Variants in ZNF525 observed in about 807,000 individuals in gnomAD.
ZNF525 encodes zinc finger protein 525.
ZNF525 carries 33 observed loss-of-function variants against 37.6 expected under a neutral mutation model. That is an observed-to-expected ratio of 0.88 (90% CI 0.67 to 1.17). The LOEUF (loss-of-function observed/expected upper bound fraction) is 1.17, where lower values mean the gene tolerates loss of function less well. Among genes scored for constraint, ZNF525 ranks in the 50% most tolerant of loss-of-function variants. The pLI is 0.00. For synonymous variants in ZNF525, 170 were observed against 182.3 expected, an observed-to-expected ratio of 0.93 and a Z score of 0.54; for missense variants, 449 against 543.1, an observed-to-expected ratio of 0.83 and a Z score of 1.72.
At position 53,381,921 on chromosome 19, in the gene ZNF525, T is replaced by C. The variant is rs1471684257; in HGVS notation, c.1342T>C (p.Phe448Leu). The change falls in exon 4 of 4, where the codon TTC becomes CTC. Residue 448 changes from phenylalanine to leucine, a missense_variant. Phe to Leu is a conservative substitution (Grantham distance 22). Around this residue, in one of 2 missense-constraint regions of ZNF525, gnomAD observed 178 missense variants for 161.5 expected, o/e 1.10. Coordinates refer to ENST00000474037, the MANE Select transcript of ZNF525 (RefSeq NM_001348156.2). ...CAAATGTAATGAGTGTGGCAAGACC[T>C]TCAGTCAGGAGTTATCCCTTACCTG... ...LYKCNECGKT[F>L]SQELSLTCHC... 1 of 972,724 alleles carries C rather than the reference T, an allele frequency of 1.0e-6. No homozygotes were observed. The allele number at this position is 972,724 out of a possible 1,614,324, so 60.3% of individuals were successfully genotyped here. A position where few individuals can be genotyped will look rare whatever the true frequency, so the allele number is the denominator to read the frequency against.
intron 3 of ZNF525, among the ~76,000 whole-genome samples, chr19:53,378,533 A>G (rs747133365): frequency 2.6e-5 from 4 of 152,200 alleles, no homozygotes; most frequent in Non-Finnish European, 5.9e-5. Flanking sequence ...CTCGGTCTCA[A>G]AAACAAACAA....
At chr19:53,379,282 A>G (rs1354259906) in intron 3 of ZNF525, 1 of 151,852 alleles carries the variant, frequency 6.6e-6, no homozygotes, top group Non-Finnish European at 1.5e-5. Flanking sequence ...CACCCAGCTA[A>G]TTTTTTTGTA....
At position 53,381,385 on chromosome 19, in the gene ZNF525, AACCTT is replaced by A; in HGVS notation, c.809_813del (p.Pro270GlnfsTer3). On this transcript the variant is annotated frameshift_variant, in exon 4 of 4. Transcript: ENST00000474037. LOFTEE classifies it high-confidence loss of function. ...CATCGTAGATGTCACACTGGTGAGA[AACCTT>A]ACAAGTGTAATGAGTGTGGCAAGTC... 6.3e-7 allele frequency: 1 copy of A among 1,596,838 alleles called. No individual in the cohort carries two copies. Among genetic ancestry groups the A allele is most frequent in the Non-Finnish European group, 8.6e-7 (1 of 1,164,274 alleles).
chr19:53,372,523 A>C (rs573572415), intron 2 of ZNF525: 316 of 912,762 alleles, frequency 3.5e-4, no homozygotes, highest in African/African-American at 3.4e-3. Context: ...AGGGCTCACA[A>C]CCAGACATGG....
chr19:53,381,557 A>G lies in ZNF525; in HGVS notation c.978A>G (p.Pro326=). ...RHRRIHTGEK[P]HKCNECGKTF... is the part of the protein sequence containing the mutation. ...GGAGAATTCATACTGGAGAGAAACC[A>G]CATAAGTGTAATGAGTGTGGCAAGA... The change falls in exon 4 of 4, where the codon CCA becomes CCG. Residue 326 remains proline (P), a synonymous_variant. Transcript: ENST00000474037. 2 of 1,190,170 alleles carry G rather than the reference A, an allele frequency of 1.7e-6. No individual in the cohort carries two copies. 73.7% of individuals were successfully genotyped at this position (1,190,170 alleles called of 1,614,324 possible).
chr19:53,381,528 C>T lies in ZNF525; in HGVS notation c.949C>T (p.His317Tyr), dbSNP rs771515348. The change falls in exon 4 of 4, where the codon CAT (histidine) becomes TAT (tyrosine). Residue 317 changes from histidine (H) to tyrosine (Y), a missense_variant. Around this residue, in one of 2 missense-constraint regions of ZNF525, gnomAD observed 178 missense variants for 161.5 expected, o/e 1.10. Coordinates refer to ENST00000474037, the MANE Select transcript of ZNF525 (RefSeq NM_001348156.2). ...AFRHNSALQRHRRIHTGEKPH... is the reference protein window; with the variant it reads ...AFRHNSALQRYRRIHTGEKPH... The stretch of plus-strand genomic sequence containing the variant: ...CAGACACAATTCAGCCCTTCAAAGA[C>T]ATAGGAGAATTCATACTGGAGAGAA... 1.9e-5 allele frequency: 24 copies of T among 1,256,762 alleles called. No individual in the cohort carries two copies. In the East Asian group the frequency reaches 5.6e-4, roughly 29 times the overall value. 77.9% of individuals were successfully genotyped at this position (1,256,762 alleles called of 1,614,324 possible).
intron 3 of ZNF525, among the ~76,000 whole-genome samples, chr19:53,376,661 G>C (rs550964508): frequency 2.0e-4 from 30 of 152,216 alleles, no homozygotes; most frequent in African/African-American, 6.7e-4. Flanking sequence ...CACCGCAGCC[G>C]GCTCCACATC....
rs1193552612 is a variant in ZNF525 at position 53,372,190 on chromosome 19, TA to T, written c.-67-22del. 6.0e-6 allele frequency: 4 copies of T among 669,636 alleles called. No individual in the cohort carries two copies. The East Asian group carries it at 9.9e-5, about 17-fold the overall frequency. The allele number at this position is 669,636 out of a possible 1,614,324, so 41.5% of individuals were successfully genotyped here. A position where few individuals can be genotyped will look rare whatever the true frequency, so the allele number is the denominator to read the frequency against. On this transcript the variant is annotated intron_variant, in intron 1 of 3. Transcript: ENST00000474037. Reference sequence around the variant, plus strand: ...GAGGGTGTGTGTTGATTCTGAGCAATAAACAACATATTTTTATCACTCAGGA... The same window carrying T: ...GAGGGTGTGTGTTGATTCTGAGCAATAACAACATATTTTTATCACTCAGGA...
Position 53,381,138 on chromosome 19 carries a change from C to T in ZNF525, c.559C>T (p.His187Tyr). 7.2e-7 allele frequency: 1 copy of T among 1,394,990 alleles called. No homozygotes were observed. Among genetic ancestry groups the T allele is most frequent in the South Asian group, 1.2e-5 (1 of 86,394 alleles). 86.4% of individuals were successfully genotyped at this position (1,394,990 alleles called of 1,614,324 possible). ...AQRISCRPKT[H>Y]ISNNYGDNFL... ...AAGAATTTCTTGTAGGCCCAAAACC[C>T]ATATATCTAATAACTATGGGGATAA... is the stretch of plus-strand genomic sequence containing the variant. The change falls in exon 4 of 4, where the codon CAT becomes TAT. Residue 187 changes from histidine to tyrosine, a missense_variant. Physicochemically the swap from His to Tyr is moderately conservative, Grantham distance 83. Transcript: ENST00000474037.
At chr19:53,369,824 A>C (rs2085473458) in intron 1 of ZNF525, among the ~76,000 whole-genome samples, 1 of 123,328 alleles carries the variant, frequency 8.1e-6, no homozygotes, top group Non-Finnish European at 1.6e-5. Context: ...TCCCGGGTTC[A>C]CGCCATTCTC....
intron 1 of ZNF525, among the ~76,000 whole-genome samples, chr19:53,367,597 C>G (rs901240215): frequency 6.6e-6 from 1 of 152,162 alleles, no homozygotes; most frequent in Non-Finnish European, 1.5e-5. Flanking sequence ...GGTTTTGAAT[C>G]GACTGAAGGA....
rs774533262 is a variant in ZNF525, at chr19:53,381,497, A to G, written c.918A>G (p.Lys306=). Residue 306 remains lysine, a synonymous_variant, in exon 4 of 4, where the codon AAA becomes AAG. Transcript: ENST00000474037. ...EKPYKCEECD[K]AFRHNSALQR... ...CTTACAAATGTGAAGAATGTGACAA[A>G]GCTTTCAGACACAATTCAGCCCTTC... 3 of 1,355,162 alleles carry G rather than the reference A, an allele frequency of 2.2e-6. No homozygotes were observed. The highest frequency in any genetic ancestry group is 3.2e-6 in the Non-Finnish European group (3 of 944,066). The allele number at this position is 1,355,162 out of a possible 1,614,324, so 83.9% of individuals were successfully genotyped here.
rs1483823977 is a variant in ZNF525, at chr19:53,385,074, T to C, written c.*3055T>C. The C allele has an allele frequency of 1.1e-5, 7 of 630,198 alleles. No individual in the cohort carries two copies. In the East Asian group the frequency reaches 2.1e-4, roughly 19 times the overall value. The allele number at this position is 630,198 out of a possible 1,614,324, so 39.0% of individuals were successfully genotyped here. ...ATTCTGTTCTAGTGGTATATAACAT[T>C]GATTTGCTTGAATATGTTGAACCAT... On this transcript the variant is annotated 3_prime_UTR_variant, in exon 4 of 4. Coordinates refer to ENST00000474037, the MANE Select transcript of ZNF525 (RefSeq NM_001348156.2).
intron 3 of ZNF525, chr19:53,376,101 T>C (rs1437888027): frequency 8.6e-7 from 1 of 1,165,704 alleles, no homozygotes; most frequent in Non-Finnish European, 1.2e-6. Flanking sequence ...CATGCCACCA[T>C]GCCAGGATAC....
In ZNF525 at chr19:53,386,255, G is replaced by T; in HGVS notation, c.*4236G>T. 1.5e-6 allele frequency: 1 copy of T among 661,654 alleles called. No individual in the cohort carries two copies. 41.0% of individuals were successfully genotyped at this position (661,654 alleles called of 1,614,324 possible). On this transcript the variant is annotated 3_prime_UTR_variant, in exon 4 of 4. Coordinates refer to ENST00000474037, the MANE Select transcript of ZNF525 (RefSeq NM_001348156.2). The stretch of plus-strand genomic sequence containing the variant: ...GCCACATCTTCTCAGAAGACTTTCA[G>T]GATTAAGCGATTCCTGGCCAAGAAA...
At chr19:53,367,225 T>G (rs1157388591) in intron 1 of ZNF525, among the ~76,000 whole-genome samples, 1 of 152,200 alleles carries the variant, frequency 6.6e-6, no homozygotes, top group African/African-American at 2.4e-5. Context: ...TCATAACTGT[T>G]CTTGAAGTGA....
At position 53,382,633 on chromosome 19, in the gene ZNF525, C is replaced by G; in HGVS notation, c.*614C>G. 1.4e-6 allele frequency: 1 copy of G among 694,724 alleles called. No individual in the cohort carries two copies. Among genetic ancestry groups the G allele is most frequent in the South Asian group, 1.4e-5 (1 of 70,184 alleles). The allele number at this position is 694,724 out of a possible 1,614,324, so 43.0% of individuals were successfully genotyped here. On this transcript the variant is annotated 3_prime_UTR_variant, in exon 4 of 4. Coordinates refer to ENST00000474037, the MANE Select transcript of ZNF525 (RefSeq NM_001348156.2). ...TTATTTACCATCAAGCAATCCATGG[C>G]AGAGGGAAACTTTACAAATGTAATG...
In ZNF525 at chr19:53,386,263, C is replaced by G. The variant is rs1008723712; in HGVS notation, c.*4244C>G. ...TTCTCAGAAGACTTTCAGGATTAAG[C>G]GATTCCTGGCCAAGAAACAAAAGCA... is the stretch of plus-strand genomic sequence containing the variant. On this transcript the variant is annotated 3_prime_UTR_variant, in exon 4 of 4. Transcript: ENST00000474037. 9.0e-6 allele frequency: 6 copies of G among 669,672 alleles called. No individual in the cohort carries two copies. Among genetic ancestry groups the G allele is most frequent in the Non-Finnish European group, 1.7e-5 (6 of 355,670 alleles). The allele number at this position is 669,672 out of a possible 1,614,324, so 41.5% of individuals were successfully genotyped here.
intron 1 of ZNF525, among the ~76,000 whole-genome samples, chr19:53,370,084 G>A (rs779676345): frequency 6.0e-4 from 91 of 151,542 alleles, no homozygotes; most frequent in Non-Finnish European, 1.1e-3. Flanking sequence ...GGATAGGGGT[G>A]ATAAAGACCA....
Sources: allele counts gnomAD v4.1 joint callset (sites outside exome capture counted in the v4.1 genomes callset), GRCh38; gene constraint gnomAD v4.1.1; regional missense constraint gnomAD v4.1.1; transcripts MANE v1.5; gene names NCBI Gene and HGNC (gene_info 2026-07-23, HGNC 2026-07-21).